The following CEACAM16 variants were observed in gnomAD, a reference collection of about 807,000 sequenced individuals.
CEACAM16 encodes cell adhesion molecule CEACAM16.
In CEACAM16, 30 loss-of-function variants were observed where a neutral mutation model predicts 39.4. That is an observed-to-expected ratio of 0.76 (90% CI 0.57 to 1.03). The LOEUF (loss-of-function observed/expected upper bound fraction) is 1.03. Among genes scored for constraint, CEACAM16 ranks in the 50% least tolerant of loss-of-function variants. The pLI is 0.00. For synonymous variants in CEACAM16, 262 were observed against 264.9 expected, an observed-to-expected ratio of 0.99 and a Z score of 0.11; for missense variants, 521 against 585.3, an observed-to-expected ratio of 0.89 and a Z score of 1.13.
In CEACAM16 at chr19:44,704,313, C is replaced by A. The variant is rs1334383710; in HGVS notation, c.661+17C>A. 1.4e-6 allele frequency: 2 copies of A among 1,477,096 alleles called. No homozygotes were observed. The highest frequency in any genetic ancestry group is 4.4e-5 in the Admixed American group (2 of 45,674). The allele number at this position is 1,477,096 out of a possible 1,614,324, so 91.5% of individuals were successfully genotyped here. ...CCGTGTACTGTGAGTCCTCCTGGCC[C>A]CACTGGAGATACCCAGTGTCCAAAC... On this transcript the variant is annotated intron_variant, in intron 4 of 6. Coordinates refer to ENST00000587331, the MANE Select transcript of CEACAM16 (RefSeq NM_001039213.4).
chr19:44,701,509 A>AC lies in CEACAM16; in HGVS notation c.37+22dup, dbSNP rs767178189. 1.3e-6 allele frequency: 2 copies of AC among 1,557,788 alleles called. No individual in the cohort carries two copies. Among genetic ancestry groups the AC allele is most frequent in the Admixed American group, 3.8e-5 (2 of 52,230 alleles). ...CTCCTCAGTGGTGAGCGAGAATGGC[A>AC]CCCCCCAGCACCTCAGCCCCCCGAG... On this transcript the variant is annotated intron_variant, in intron 2 of 6. Transcript: ENST00000587331. This position sits in a 1 kb window ranked among gnomAD's most constrained non-coding sequence, Gnocchi z 4.0.
intron 1 of CEACAM16, among the ~76,000 whole-genome samples, chr19:44,700,039 T>C (rs1426336211): frequency 6.6e-6 from 1 of 152,194 alleles, no homozygotes; most frequent in Admixed American, 6.5e-5. Flanking sequence ...AGAGTCTCAC[T>C]CTGTCACCCA....
intron 4 of CEACAM16, among the ~76,000 whole-genome samples, chr19:44,704,764 AC>A (rs1974415927): frequency 3.3e-5 from 5 of 149,776 alleles, no homozygotes; most frequent in South Asian, 2.1e-4. Flanking sequence ...AAAAAAAACA[AC>A]AACAACAAAC....
At chr19:44,706,864 AG>A (rs1974458657) in intron 5 of CEACAM16, among the ~76,000 whole-genome samples, 2 of 152,250 alleles carry the variant, frequency 1.3e-5, no homozygotes, top group African/African-American at 2.4e-5. Context: ...GGAGAGACAC[AG>A]AAGAAAAGGA....
rs369526797 is a variant in CEACAM16 at position 44,708,044 on chromosome 19, C to T, written c.1124C>T (p.Ala375Val). The change falls in exon 6 of 7, where the codon GCG becomes GTG. Residue 375 changes from alanine to valine, a missense_variant. Physicochemically the swap from Ala to Val is moderately conservative, Grantham distance 64. Transcript: ENST00000587331. The stretch of plus-strand genomic sequence containing the variant: ...TCAGGAACCTGGATTGCAGGCCCCG[C>T]GCACACAGGCCGGGAGGTGGGCTTC... ...LPSGTWIAGP[A>V]HTGREVGFPN... The T allele has an allele frequency of 1.7e-4, 271 of 1,612,550 alleles. No homozygotes were observed. The highest frequency in any genetic ancestry group is 2.2e-4 in the Non-Finnish European group (265 of 1,179,586).
At position 44,707,879 on chromosome 19, in the gene CEACAM16, T is replaced by C. The variant is rs780999614; in HGVS notation, c.959T>C (p.Met320Thr). Residue 320 changes from methionine (M) to threonine (T), a missense_variant, in exon 6 of 7, where the codon ATG becomes ACG. Met to Thr is a moderately conservative substitution (Grantham distance 81). Coordinates refer to ENST00000587331, the MANE Select transcript of CEACAM16 (RefSeq NM_001039213.4). ...TCCCCAGCTGCAGCAGTTGCCACGATGATCGTGCCCGTGCCCACCAAGCCA... is the reference window on the plus strand; with the variant it reads ...TCCCCAGCTGCAGCAGTTGCCACGACGATCGTGCCCGTGCCCACCAAGCCA... ...VKLSAAAVATMIVPVPTKPTE... is the reference protein window; with the variant it reads ...VKLSAAAVATTIVPVPTKPTE... The C allele has an allele frequency of 1.9e-6, 3 of 1,550,178 alleles. No homozygotes were observed. The highest frequency in any genetic ancestry group is 2.3e-5 in the East Asian group (1 of 43,472).
intron 5 of CEACAM16, 66 bp from the exon 6 acceptor site, chr19:44,707,795 G>A: frequency 7.2e-7 from 1 of 1,379,350 alleles, no homozygotes; most frequent in South Asian, 1.6e-5. Context: ...GGCCAGCAAG[G>A]GTTGGGAAGG....
In CEACAM16 at chr19:44,705,499, G is replaced by A. The variant is rs1280956980; in HGVS notation, c.662-91G>A. ...CTCCACTAGGCCAAGATATTCCCAG[G>A]GACCTAGCTTGGTGGAGAGAAAACC... On this transcript the variant is annotated intron_variant, in intron 4 of 6. Transcript: ENST00000587331. 2.0e-5 allele frequency: 27 copies of A among 1,361,560 alleles called. No individual in the cohort carries two copies. In the Admixed American group the frequency reaches 4.5e-4, roughly 23 times the overall value. 84.3% of individuals were successfully genotyped at this position (1,361,560 alleles called of 1,614,324 possible). A position where few individuals can be genotyped will look rare whatever the true frequency, so the allele number is the denominator to read the frequency against.
chr19:44,710,389 G>A (rs2122209130), intron 6 of CEACAM16, 107 bp from the exon 7 acceptor site: 1 of 1,254,062 alleles, frequency 8.0e-7, no homozygotes, highest in East Asian at 2.5e-5. Context: ...TTGGGCCACT[G>A]GGTGGCCCGG....
intron 6 of CEACAM16, among the ~76,000 whole-genome samples, 160 bp downstream of exon 6, chr19:44,708,347 G>C (rs1330116300): frequency 1.3e-5 from 2 of 152,176 alleles, no homozygotes; most frequent in Non-Finnish European, 2.9e-5. Flanking sequence ...GCCTAACTTG[G>C]GGGTCCCCAA....
chr19:44,701,275 C>A lies in CEACAM16; in HGVS notation c.-96-86C>A, dbSNP rs530187110. The stretch of plus-strand genomic sequence containing the variant: ...GGTGCCCGCCACACCCACCCTGGTA[C>A]CCAAACCGGGCCCCAGATCCTTGGT... On this transcript the variant is annotated intron_variant, in intron 1 of 6. Transcript: ENST00000587331. The surrounding 1 kb of genome is among the most constrained non-coding windows in gnomAD (Gnocchi z 4.0). The A allele has an allele frequency of 1.8e-5, 13 of 726,628 alleles. No homozygotes were observed. The highest frequency in any genetic ancestry group is 2.4e-5 in the Non-Finnish European group (10 of 420,676). 45.0% of individuals were successfully genotyped at this position (726,628 alleles called of 1,614,324 possible). A position where few individuals can be genotyped will look rare whatever the true frequency, so the allele number is the denominator to read the frequency against.
chr19:44,710,639 T>TGTGGCTCTAGCTCTAGGGTGG lies in CEACAM16; in HGVS notation c.*133_*134insGTGGCTCTAGCTCTAGGGTGG. On this transcript the variant is annotated 3_prime_UTR_variant, in exon 7 of 7. Transcript: ENST00000587331. Reference sequence around the variant, plus strand: ...TCCTGCTGTTCTCCTGCCTCCACCCTAGAGCTAGAGCCACAGGGCCCCACT... The same window carrying TGTGGCTCTAGCTCTAGGGTGG: ...TCCTGCTGTTCTCCTGCCTCCACCCTGTGGCTCTAGCTCTAGGGTGGAGAGCTAGAGCCACAGGGCCCCACT... 1 of 1,291,806 alleles carries TGTGGCTCTAGCTCTAGGGTGG rather than the reference T, an allele frequency of 7.7e-7. No individual in the cohort carries two copies. Among genetic ancestry groups the TGTGGCTCTAGCTCTAGGGTGG allele is most frequent in the Non-Finnish European group, 1.1e-6 (1 of 903,296 alleles). 80.0% of individuals were successfully genotyped at this position (1,291,806 alleles called of 1,614,324 possible).
rs1375330292 is a variant in CEACAM16 at position 44,703,337 on chromosome 19, C to G, written c.38-12C>G. On this transcript the variant is annotated splice_polypyrimidine_tract_variant and intron_variant, in intron 2 of 6. Transcript: ENST00000587331. ...CCTGCCTCATCCAACCCCTCTGACT[C>G]CTCTTCCTCAGCCACATTCCTGAAT... is the stretch of plus-strand genomic sequence containing the variant. The G allele has an allele frequency of 5.0e-6, 8 of 1,603,830 alleles. No homozygotes were observed. Among genetic ancestry groups the G allele is most frequent in the Non-Finnish European group, 2.6e-6 (3 of 1,172,878 alleles).
chr19:44,700,522 G>T (rs569739667), intron 1 of CEACAM16, among the ~76,000 whole-genome samples: 1 of 151,834 alleles, frequency 6.6e-6, no homozygotes, highest in Non-Finnish European at 1.5e-5. Context: ...CAAATGATCC[G>T]CCTGCCTTGG....
At chr19:44,705,553 C>A in intron 4 of CEACAM16, 37 bp from the exon 5 acceptor site, 1 of 1,554,172 alleles carries the variant, frequency 6.4e-7, no homozygotes, top group South Asian at 1.2e-5. Flanking sequence ...TCCTCCTTCC[C>A]TCTACTGCCC....
rs118117077 is a variant in CEACAM16, at chr19:44,704,872, G to C, written c.661+576G>C. Among the ~76,000 whole-genome samples the C allele has an allele frequency of 4.2e-3, 636 of 152,238 alleles. 2 individuals carry two copies. The highest frequency in any genetic ancestry group is 7.6e-3 in the Non-Finnish European group (517 of 68,008). ...TTAGGAGCAATATCTACAGAGAAAG[G>C]AAACAGGGCCAGTTGGTTTGAAAAG... On this transcript the variant is annotated intron_variant, in intron 4 of 6. Coordinates refer to ENST00000587331, the MANE Select transcript of CEACAM16 (RefSeq NM_001039213.4).
chr19:44,703,873 C>A, intron 3 of CEACAM16, 145 bp from the exon 4 acceptor site: 2 of 1,105,396 alleles, frequency 1.8e-6, no homozygotes, highest in Non-Finnish European at 2.5e-6. Context: ...AGGATTAGAC[C>A]TGCCTCCTAA....
At chr19:44,702,543 GCATTCAAACCACACGT>G (rs1317317396) in intron 2 of CEACAM16, among the ~76,000 whole-genome samples, 2 of 152,268 alleles carry the variant, frequency 1.3e-5, no homozygotes, top group African/African-American at 4.8e-5. Flanking sequence ...CCCGTTCCGG[GCATTCAAACCACACGT>G]CATTCAAACC....
chr19:44,706,248 A>G (rs1974446028), intron 5 of CEACAM16, among the ~76,000 whole-genome samples: 1 of 144,692 alleles, frequency 6.9e-6, no homozygotes, highest in African/African-American at 2.6e-5. Flanking sequence ...CTACCCAGTT[A>G]TCTGACCCAG....
Sources: allele counts gnomAD v4.1 joint callset (sites outside exome capture counted in the v4.1 genomes callset), GRCh38; gene constraint gnomAD v4.1.1; non-coding constraint Gnocchi (gnomAD v3.1); transcripts MANE v1.5; gene names NCBI Gene and HGNC (gene_info 2026-07-23, HGNC 2026-07-21).